Variants in MROH9 observed in about 807,000 individuals in gnomAD.
MROH9 encodes the protein maestro heat like repeat family member 9, also known as maestro heat-like repeat-containing protein family member 9.
In MROH9, 92 loss-of-function variants were observed where a neutral mutation model predicts 98.2. The observed-to-expected ratio is 0.94, with a 90% CI of 0.79 to 1.11. The LOEUF (loss-of-function observed/expected upper bound fraction) is 1.11. Among genes scored for constraint, MROH9 ranks in the 50% most tolerant of loss-of-function variants. The probability of loss-of-function intolerance (pLI) is 0.00; values close to 1 mark genes in which losing one functional copy is unlikely to be tolerated. For synonymous variants in MROH9, 397 were observed against 368.9 expected, an observed-to-expected ratio of 1.08 and a Z score of -0.87; for missense variants, 1,057 against 1,014.8, an observed-to-expected ratio of 1.04 and a Z score of -0.57.
intron 8 of MROH9, among the ~76,000 whole-genome samples, chr1:170,980,447 G>A (rs1650885743): frequency 6.6e-6 from 1 of 152,056 alleles, no homozygotes; most frequent in Non-Finnish European, 1.5e-5. Context: ...ACATAACAGA[G>A]ACATCGGAAA....
At chr1:170,953,012 T>C (rs16863860) in intron 3 of MROH9, among the ~76,000 whole-genome samples, 8,759 of 152,178 alleles carry the variant, frequency 0.058, 362 homozygotes, top group Middle Eastern at 0.13. Flanking sequence ...TTTTAATTAT[T>C]CACACTATCA....
chr1:171,045,280 A>G (rs894899893), intron 20 of MROH9, among the ~76,000 whole-genome samples: 7 of 151,960 alleles, frequency 4.6e-5, no homozygotes, highest in South Asian at 2.1e-4. Context: ...GATTACAGGC[A>G]TGCGCCACCG....
chr1:171,036,152 T>A (rs1653091710), intron 20 of MROH9, among the ~76,000 whole-genome samples: 1 of 152,122 alleles, frequency 6.6e-6, no homozygotes, highest in African/African-American at 2.4e-5. Context: ...ATTCCATTGA[T>A]ATAAAACACA....
At position 170,998,270 on chromosome 1, in the gene MROH9, C is replaced by T. The variant is rs1332243048; in HGVS notation, c.1592C>T (p.Thr531Ile). Residue 531 changes from threonine to isoleucine, a missense_variant, in exon 15 of 22, where the codon ACT becomes ATT. Thr to Ile is a moderately conservative substitution (Grantham distance 89). Transcript: ENST00000367759. The part of the protein sequence containing the change: ...EDTVIVLIFL[T>I]ELLNNFFKDP... ...ACTGTCATCGTATTAATATTCCTCA[C>T]TGAAGTGAGTTTTGTAGACTGTGAA... 6.2e-7 allele frequency: 1 copy of T among 1,613,526 alleles called. No homozygotes were observed. The highest frequency in any genetic ancestry group is 1.1e-5 in the South Asian group (1 of 91,070).
At chr1:171,010,749 G>A (rs991964275) in intron 15 of MROH9, among the ~76,000 whole-genome samples, 10 of 152,070 alleles carry the variant, frequency 6.6e-5, no homozygotes, top group African/African-American at 2.2e-4. Flanking sequence ...AGAAGTTTCT[G>A]TTCATATTCT....
chr1:171,062,528 C>T (rs1654045150), intron 21 of MROH9, among the ~76,000 whole-genome samples: 1 of 152,176 alleles, frequency 6.6e-6, no homozygotes, highest in Non-Finnish European at 1.5e-5. Context: ...TATTTTTTAG[C>T]ATCTCTTATG....
chr1:171,015,115 C>T (rs1339558197), intron 16 of MROH9: 5 of 467,032 alleles, frequency 1.1e-5, no homozygotes, highest in Admixed American at 2.4e-5. Flanking sequence ...TTTTATAATA[C>T]ATCCAATAAT....
At chr1:170,965,864 CTTT>C (rs1650215370) in intron 7 of MROH9, among the ~76,000 whole-genome samples, 8 of 151,926 alleles carry the variant, frequency 5.3e-5, no homozygotes. Flanking sequence ...CTACAATTTG[CTTT>C]TTTTCACTGA....
chr1:170,965,109 G>A (rs1650180101), intron 6 of MROH9, 42 bp from the exon 7 acceptor site: 1 of 1,437,194 alleles, frequency 7.0e-7, no homozygotes, highest in South Asian at 1.2e-5. Flanking sequence ...CTTGGAAAAT[G>A]GAAATTTCAT....
intron 3 of MROH9, among the ~76,000 whole-genome samples, chr1:170,954,100 CTTTAT>C (rs1305641580): frequency 1.1e-4 from 16 of 151,936 alleles, no homozygotes; most frequent in African/African-American, 2.9e-4. Context: ...CTGTAGAAGT[CTTTAT>C]CTTTATTTTT....
At chr1:170,962,111 G>A in intron 6 of MROH9, 135 bp downstream of exon 6, 1 of 549,624 alleles carries the variant, frequency 1.8e-6, no homozygotes, top group Non-Finnish European at 3.2e-6. Flanking sequence ...TACCACAGAA[G>A]AGTGAAATGT....
rs566241057 is a variant in MROH9 at position 171,000,128 on chromosome 1, TG to T, written c.1596+1857del. 2.8e-3 allele frequency among the ~76,000 whole-genome samples: 430 copies of T among 152,304 alleles called. 1 individual carries two copies. The highest frequency in any genetic ancestry group is 9.8e-3 in the African/African-American group (407 of 41,584). ...GCTGTGAAGATTTTCTCCCACTCTG[TG>T]GGTTGTCTGTTTACTCTGCTGACTA... On this transcript the variant is annotated intron_variant, in intron 15 of 21. Coordinates refer to ENST00000367759, the MANE Select transcript of MROH9 (RefSeq NM_001163629.2).
At chr1:170,939,888 G>A (rs1649053568) in intron 1 of MROH9, among the ~76,000 whole-genome samples, 1 of 152,176 alleles carries the variant, frequency 6.6e-6, no homozygotes, top group Non-Finnish European at 1.5e-5. Context: ...CTGGGGGCTT[G>A]CACTTCAATT....
At chr1:170,950,272 A>G (rs549274624) in intron 3 of MROH9, among the ~76,000 whole-genome samples, 42 of 152,206 alleles carry the variant, frequency 2.8e-4, no homozygotes, top group African/African-American at 9.6e-4. Context: ...GATTTTAAAT[A>G]AACAGGATTT....
chr1:170,996,076 C>A (rs568544157), intron 13 of MROH9, among the ~76,000 whole-genome samples: 1 of 151,938 alleles, frequency 6.6e-6, no homozygotes, highest in Non-Finnish European at 1.5e-5. Context: ...ATTTTGCTAC[C>A]CTGCAGGGAA....
intron 15 of MROH9, among the ~76,000 whole-genome samples, chr1:171,012,205 G>A (rs1407852340): frequency 1.3e-5 from 2 of 151,930 alleles, no homozygotes; most frequent in African/African-American, 4.8e-5. Flanking sequence ...GTACTTTACA[G>A]ACTTTCTTGT....
chr1:170,963,526 T>C (rs1650109178), intron 6 of MROH9, among the ~76,000 whole-genome samples: 1 of 152,126 alleles, frequency 6.6e-6, no homozygotes, highest in Non-Finnish European at 1.5e-5. Flanking sequence ...TAAAGACAAA[T>C]GCACACATAT....
intron 20 of MROH9, among the ~76,000 whole-genome samples, chr1:171,026,348 C>T (rs1452442673): frequency 2.6e-5 from 4 of 151,718 alleles, no homozygotes; most frequent in Non-Finnish European, 5.9e-5. Flanking sequence ...AATCTTGGCT[C>T]ACTGCAACCT....
At chr1:170,972,985 G>A (rs1431876861) in intron 8 of MROH9, among the ~76,000 whole-genome samples, 1 of 151,850 alleles carries the variant, frequency 6.6e-6, no homozygotes, top group African/African-American at 2.4e-5. Context: ...ATTTCTAAGA[G>A]CCAACACAAA....
Sources: gnomAD v4.1 joint callset for allele counts (sites outside exome capture counted in the v4.1 genomes callset) on GRCh38, gnomAD v4.1.1 for gene constraint, MANE v1.5 for transcripts, NCBI Gene and HGNC (gene_info 2026-07-23, HGNC 2026-07-21) for gene names.